The following MAPK15 variants were observed in gnomAD, a reference collection of about 807,000 sequenced individuals.
MAPK15 encodes mitogen-activated protein kinase 15, also known as ERK-7.
MAPK15 carries 61 observed loss-of-function variants against 60.8 expected under a neutral mutation model. The observed-to-expected ratio is 1.00, with a 90% CI of 0.82 to 1.24. The LOEUF (loss-of-function observed/expected upper bound fraction) is 1.24, where lower values mean the gene tolerates loss of function less well. MAPK15 is among the 50% of genes most tolerant of loss of function. MAPK15 has a pLI of 0.00. For synonymous variants in MAPK15, 356 were observed against 319.9 expected (o/e 1.11, Z -1.21); for missense variants, 808 against 741.1 (o/e 1.09, Z -1.05).
In MAPK15 at chr8:143,720,646, G is replaced by A. The variant is rs551634289; in HGVS notation, c.780-57G>A. 1.3e-5 allele frequency: 20 copies of A among 1,565,716 alleles called. No individual in the cohort carries two copies. In the South Asian group the frequency reaches 2.2e-4, roughly 17 times the overall value. ...AAGCTGAGCCCCCAGCCACGAACAT[G>A]GATCTGAGGAGGGGCCCTTGGGTCG... On this transcript the variant is annotated intron_variant, in intron 8 of 13. Coordinates refer to ENST00000338033, the MANE Select transcript of MAPK15 (RefSeq NM_139021.3). This position sits in a 1 kb window ranked among gnomAD's most constrained non-coding sequence, Gnocchi z 4.6.
In MAPK15 at chr8:143,722,138, CAGGGTGCCCAGG is replaced by C; in HGVS notation, c.1523_1534del (p.Gln508_Gly512delinsArg). 6.2e-7 allele frequency: 1 copy of C among 1,612,078 alleles called. No homozygotes were observed. The highest frequency in any genetic ancestry group is 2.2e-5 in the East Asian group (1 of 44,868). Reference sequence around the variant, plus strand: ...GAGGATGTTCAGCACCTCTGCCTTGCAGGGTGCCCAGGGGGGTGCCAGGGCTTTGCTTGGAGG... The same window carrying C: ...GAGGATGTTCAGCACCTCTGCCTTGCGGGGTGCCAGGGCTTTGCTTGGAGG... On this transcript the variant is annotated inframe_deletion, in exon 14 of 14. Transcript: ENST00000338033.
In MAPK15 at chr8:143,717,828, G is replaced by A. The variant is rs782772502; in HGVS notation, c.165+36G>A. 3.8e-6 allele frequency: 6 copies of A among 1,579,124 alleles called. No individual in the cohort carries two copies. In the Admixed American group the frequency reaches 5.3e-5, roughly 14 times the overall value. Reference sequence around the variant, plus strand: ...GGGGAGAAGCGTGGGAGAGGATGGGGGCAGGGAGGGGCAGCCCCTTGCCCT... The same window carrying A: ...GGGGAGAAGCGTGGGAGAGGATGGGAGCAGGGAGGGGCAGCCCCTTGCCCT... On this transcript the variant is annotated intron_variant, in intron 2 of 13. Transcript: ENST00000338033.
In MAPK15 at chr8:143,719,426, C is replaced by T. The variant is rs1554619284; in HGVS notation, c.665C>T (p.Ser222Phe). The change falls in exon 7 of 14, where the codon TCC becomes TTC. Residue 222 changes from serine (S) to phenylalanine (F), a missense_variant. By Grantham distance (155) the Ser-to-Phe change is radical. Coordinates refer to ENST00000338033, the MANE Select transcript of MAPK15 (RefSeq NM_139021.3). ...LRGRPLFPGT[S>F]TLHQLELILE... is the part of the protein sequence containing the mutation. ...GGGAGACCCCTGTTCCCCGGCACGT[C>T]CACCCTCCACCAGCTGGAGCTGATC... 2 of 1,610,660 alleles carry T rather than the reference C, an allele frequency of 1.2e-6. No homozygotes were observed. The highest frequency in any genetic ancestry group is 1.7e-6 in the Non-Finnish European group (2 of 1,178,932).
In MAPK15 at chr8:143,720,576, A is replaced by AAACT; in HGVS notation, c.780-127_780-126insAACT. On this transcript the variant is annotated intron_variant, in intron 8 of 13. Transcript: ENST00000338033. This position sits in a 1 kb window ranked among gnomAD's most constrained non-coding sequence, Gnocchi z 4.6. Reference sequence around the variant, plus strand: ...CCCAGACTGCCTGCAGGTCAGGCACAGGGGCATCTACCTAGACAGGACAGC... The same window carrying AAACT: ...CCCAGACTGCCTGCAGGTCAGGCACAAACTGGGGCATCTACCTAGACAGGACAGC... 6.8e-7 allele frequency: 1 copy of AAACT among 1,481,292 alleles called. No homozygotes were observed. The highest frequency in any genetic ancestry group is 9.0e-7 in the Non-Finnish European group (1 of 1,111,726). 91.8% of individuals were successfully genotyped at this position (1,481,292 alleles called of 1,614,324 possible).
At position 143,717,772 on chromosome 8, in the gene MAPK15, A is replaced by T. The variant is rs1817868043; in HGVS notation, c.145A>T (p.Arg49Trp). The T allele has an allele frequency of 3.7e-6, 6 of 1,611,656 alleles. No homozygotes were observed. Among genetic ancestry groups the T allele is most frequent in the Non-Finnish European group, 5.1e-6 (6 of 1,179,198 alleles). The part of the protein sequence containing the change: ...VAIKKIFDAF[R>W]DKTDAQRTFR... Reference sequence around the variant, plus strand: ...CATCAAGAAAATCTTTGATGCTTTTAGGGATAAGACAGATGCCCAGGTGAG... The same window carrying T: ...CATCAAGAAAATCTTTGATGCTTTTTGGGATAAGACAGATGCCCAGGTGAG... Residue 49 changes from arginine (R) to tryptophan (W), a missense_variant, in exon 2 of 14, where the codon AGG (arginine) becomes TGG (tryptophan). Coordinates refer to ENST00000338033, the MANE Select transcript of MAPK15 (RefSeq NM_139021.3).
Position 143,716,374 on chromosome 8 carries a change from C to G in MAPK15, c.-4C>G, listed in dbSNP as rs782617403. The G allele has an allele frequency of 6.3e-7, 1 of 1,591,578 alleles. No individual in the cohort carries two copies. Among genetic ancestry groups the G allele is most frequent in the Non-Finnish European group, 8.5e-7 (1 of 1,171,666 alleles). On this transcript the variant is annotated 5_prime_UTR_variant, in exon 1 of 14. Coordinates refer to ENST00000338033, the MANE Select transcript of MAPK15 (RefSeq NM_139021.3). ...AGTAAGGCCCCGCGGGCGTCCTGGC[C>G]GCCATGTGCACCGTAGTGGACCCTC...
chr8:143,721,139 C>T (rs782383150), intron 10 of MAPK15, 34 bp downstream of exon 10: 6 of 1,600,328 alleles, frequency 3.7e-6, no homozygotes, highest in South Asian at 1.1e-5. Flanking sequence ...CATCCCCTGT[C>T]TACTGCACCC....
chr8:143,718,735 A>ACCCCCCCC, intron 4 of MAPK15, 40 bp from the exon 5 acceptor site: 6 of 110,030 alleles, frequency 5.5e-5, no homozygotes, highest in South Asian at 3.3e-4. Context: ...TTGCCCCCCC[A>ACCCCCCCC]GCCCCCCACC....
Position 143,722,287 on chromosome 8 carries a change from G to A in MAPK15, c.*36G>A. ...TCCCTTCACCTGGCCCTCTGTTCCT[G>A]CCCCAGCCCCTTCCCCAGACCCCTC... On this transcript the variant is annotated 3_prime_UTR_variant, in exon 14 of 14. Transcript: ENST00000338033. 2.0e-6 allele frequency: 3 copies of A among 1,504,450 alleles called. No individual in the cohort carries two copies. Among genetic ancestry groups the A allele is most frequent in the Non-Finnish European group, 1.8e-6 (2 of 1,125,346 alleles). The allele number at this position is 1,504,450 out of a possible 1,614,324, so 93.2% of individuals were successfully genotyped here.
At position 143,716,432 on chromosome 8, in the gene MAPK15, C is replaced by G; in HGVS notation, c.55C>G (p.Leu19Val). The change falls in exon 1 of 14, where the codon CTC (leucine) becomes GTC (valine). Residue 19 changes from leucine (L) to valine (V), a missense_variant. By Grantham distance (32) the Leu-to-Val change is conservative. Transcript: ENST00000338033. ...CCGGAGATACCTACTCAGGCGGCAG[C>G]TCGGGCAGGGGGTGAGTGCCTGGGG... ...IVRRYLLRRQ[L>V]GQGAYGIVWK... 6.2e-7 allele frequency: 1 copy of G among 1,603,684 alleles called. No individual in the cohort carries two copies. Among genetic ancestry groups the G allele is most frequent in the Non-Finnish European group, 8.5e-7 (1 of 1,176,200 alleles).
Position 143,720,741 on chromosome 8 carries a change from C to T in MAPK15, c.818C>T (p.Thr273Ile), listed in dbSNP as rs782397609. ...QTLDALLPPD[T>I]SPEALDLLRR... ...CTGGATGCCCTCCTACCGCCAGACA[C>T]CTCCCCAGAGGCCTTGGACCTCCTT... The change falls in exon 9 of 14, where the codon ACC becomes ATC. Residue 273 changes from threonine to isoleucine, a missense_variant. Physicochemically the swap from Thr to Ile is moderately conservative, Grantham distance 89. Coordinates refer to ENST00000338033, the MANE Select transcript of MAPK15 (RefSeq NM_139021.3). The surrounding 1 kb of genome is among the most constrained non-coding windows in gnomAD (Gnocchi z 4.6). 1.3e-5 allele frequency: 21 copies of T among 1,613,492 alleles called. No individual in the cohort carries two copies. Among genetic ancestry groups the T allele is most frequent in the Non-Finnish European group, 1.6e-5 (19 of 1,179,760 alleles).
At position 143,722,132 on chromosome 8, in the gene MAPK15, G is replaced by A; in HGVS notation, c.1516G>A (p.Ala506Thr). 2 of 1,612,374 alleles carry A rather than the reference G, an allele frequency of 1.2e-6. No homozygotes were observed. The highest frequency in any genetic ancestry group is 1.7e-6 in the Non-Finnish European group (2 of 1,179,758). The change falls in exon 14 of 14, where the codon GCC becomes ACC. Residue 506 changes from alanine to threonine, a missense_variant. Ala to Thr is a moderately conservative substitution (Grantham distance 58, BLOSUM62 0). Coordinates refer to ENST00000338033, the MANE Select transcript of MAPK15 (RefSeq NM_139021.3). ...RPGRRMFSTS[A>T]LQGAQGGARA... Reference sequence around the variant, plus strand: ...CGGCCGGAGGATGTTCAGCACCTCTGCCTTGCAGGGTGCCCAGGGGGGTGC... The same window carrying A: ...CGGCCGGAGGATGTTCAGCACCTCTACCTTGCAGGGTGCCCAGGGGGGTGC...
rs988844454 is a variant in MAPK15, at chr8:143,720,397, G to A, written c.779+110G>A. On this transcript the variant is annotated intron_variant, in intron 8 of 13. Transcript: ENST00000338033. This position sits in a 1 kb window ranked among gnomAD's most constrained non-coding sequence, Gnocchi z 4.6. Reference sequence around the variant, plus strand: ...GTTTGTACCAGTTCAGATTCTGCCTGTTTTCAAGATGGCAGTCCCAAACCC... The same window carrying A: ...GTTTGTACCAGTTCAGATTCTGCCTATTTTCAAGATGGCAGTCCCAAACCC... 36 of 1,450,828 alleles carry A rather than the reference G, an allele frequency of 2.5e-5. No individual in the cohort carries two copies. In the South Asian group the frequency reaches 2.6e-4, roughly 11 times the overall value. 89.9% of individuals were successfully genotyped at this position (1,450,828 alleles called of 1,614,324 possible).
At position 143,720,236 on chromosome 8, in the gene MAPK15, T is replaced by G. The variant is rs1817992913; in HGVS notation, c.728T>G (p.Leu243Arg). 1 of 1,579,598 alleles carries G rather than the reference T, an allele frequency of 6.3e-7. No homozygotes were observed. The highest frequency in any genetic ancestry group is 8.6e-7 in the Non-Finnish European group (1 of 1,162,104). ...CCACCTTCTGCTGCCCCAGACCTCC[T>G]GGCTCTCGGCTCAGGCTGCCGTGCC... ...TIPPPSEEDL[L>R]ALGSGCRASV... Residue 243 changes from leucine to arginine, a missense_variant, in exon 8 of 14, where the codon CTG (leucine) becomes CGG (arginine). Transcript: ENST00000338033. The surrounding 1 kb of genome is among the most constrained non-coding windows in gnomAD (Gnocchi z 4.6).
intron 7 of MAPK15, among the ~76,000 whole-genome samples, chr8:143,719,778 G>C (rs1817974876): frequency 6.6e-6 from 1 of 152,152 alleles, no homozygotes; most frequent in Admixed American, 6.5e-5. Context: ...GGTAGCAGGG[G>C]CAGGGACTGT....
intron 1 of MAPK15, 74 bp downstream of exon 1, chr8:143,716,517 C>G (rs952141001): frequency 1.1e-5 from 16 of 1,431,250 alleles, no homozygotes; most frequent in Admixed American, 6.9e-5. Flanking sequence ...CGGGGCGCGG[C>G]CGGTCCCCTC....
rs905310763 is a variant in MAPK15 at position 143,717,622 on chromosome 8, C to T, written c.67-72C>T. On this transcript the variant is annotated intron_variant, in intron 1 of 13. Coordinates refer to ENST00000338033, the MANE Select transcript of MAPK15 (RefSeq NM_139021.3). ...AGGATGGGAAGGAGGAGCCTCATGT[C>T]TGTAGGGACAATCTGGGTGGGCAGG... The T allele has an allele frequency of 5.3e-6, 7 of 1,321,432 alleles. No homozygotes were observed. In the African/African-American group the frequency reaches 1.0e-4, roughly 19 times the overall value. The allele number at this position is 1,321,432 out of a possible 1,614,324, so 81.9% of individuals were successfully genotyped here.
chr8:143,717,673 T>TGTGAC, intron 1 of MAPK15, 21 bp from the exon 2 acceptor site: 1 of 1,578,530 alleles, frequency 6.3e-7, no homozygotes, highest in East Asian at 2.3e-5. Flanking sequence ...GCTGGCCCTG[T>TGTGAC]GTGACGGCAC....
Position 143,721,846 on chromosome 8 carries a change from G to C in MAPK15, c.1424G>C (p.Arg475Pro), listed in dbSNP as rs200370966. The change falls in exon 13 of 14, where the codon CGG becomes CCG. Residue 475 changes from arginine (R) to proline (P), a missense_variant. Coordinates refer to ENST00000338033, the MANE Select transcript of MAPK15 (RefSeq NM_139021.3). The stretch of plus-strand genomic sequence containing the variant: ...GCCCTGATCCGGGGTGACTGGAACC[G>C]GGGCGGTGGGGTGAGGGTGGCCAGC... The part of the protein sequence containing the change: ...NQALIRGDWN[R>P]GGGVRVASVQ... 4 of 1,605,690 alleles carry C rather than the reference G, an allele frequency of 2.5e-6. No homozygotes were observed. Among genetic ancestry groups the C allele is most frequent in the Non-Finnish European group, 3.4e-6 (4 of 1,176,310 alleles).
Sources: gnomAD v4.1 joint callset for allele counts (sites outside exome capture counted in the v4.1 genomes callset) on GRCh38, gnomAD v4.1.1 for gene constraint, Gnocchi (gnomAD v3.1) non-coding constraint, MANE v1.5 for transcripts, NCBI Gene and HGNC (gene_info 2026-07-23, HGNC 2026-07-21) for gene names.